KIAA0319L: variants seen among roughly 807,000 people sequenced by gnomAD.
KIAA0319L encodes dyslexia-associated protein KIAA0319-like protein.
A neutral mutation model predicts 120.1 loss-of-function variants in KIAA0319L; 55 were observed. That is an observed-to-expected ratio of 0.46 (90% confidence interval 0.37 to 0.57). The LOEUF (loss-of-function observed/expected upper bound fraction) is 0.57, where lower values mean the gene tolerates loss of function less well. KIAA0319L is among the 20% of genes least tolerant of loss of function. The probability of loss-of-function intolerance (pLI) is 0.00; values close to 1 mark genes in which losing one functional copy is unlikely to be tolerated. For missense variants in KIAA0319L, 1,049 were observed against 1,255.3 expected, an observed-to-expected ratio of 0.84 and a Z score of 2.48; for synonymous variants, 398 against 471.9, an observed-to-expected ratio of 0.84 and a Z score of 2.03.
In KIAA0319L at chr1:35,522,944, G is replaced by A. The variant is rs555991360; in HGVS notation, c.143-15809C>T. Among the ~76,000 whole-genome samples, 445 of 150,392 alleles carry A rather than the reference G, an allele frequency of 3.0e-3. 3 individuals are homozygous for A. Among genetic ancestry groups the A allele is most frequent in the African/African-American group, 1.0e-2 (406 of 40,802 alleles). On this transcript the variant is annotated intron_variant, in intron 2 of 20. Transcript: ENST00000325722. ...TGAGGCAGGAGAATCGCTTGAATCCGGGAGGCAGAGGTTGCAGTGAGCTGA... is the reference window on the plus strand; with the variant it reads ...TGAGGCAGGAGAATCGCTTGAATCCAGGAGGCAGAGGTTGCAGTGAGCTGA...
chr1:35,554,773 T>A (rs1647693169), intron 1 of KIAA0319L: 1 of 235,704 alleles, frequency 4.2e-6, no homozygotes, highest in South Asian at 1.4e-4. Context: ...TTTTTTTTAA[T>A]CTAACAGTAA....
chr1:35,501,192 A>C (rs150646267), intron 3 of KIAA0319L, among the ~76,000 whole-genome samples: 1 of 152,348 alleles, frequency 6.6e-6, no homozygotes, highest in Non-Finnish European at 1.5e-5. Flanking sequence ...CTCTATAGCC[A>C]ACACATCCTC....
At chr1:35,493,760 A>G (rs1644689687) in intron 3 of KIAA0319L, among the ~76,000 whole-genome samples, 1 of 152,036 alleles carries the variant, frequency 6.6e-6, no homozygotes. Flanking sequence ...CAGGAGGATC[A>G]CTTGAGCCCA....
chr1:35,540,255 ACATT>A (rs1479039413), intron 2 of KIAA0319L, among the ~76,000 whole-genome samples: 1 of 152,198 alleles, frequency 6.6e-6, no homozygotes, highest in East Asian at 1.9e-4. Flanking sequence ...CCATTCAGGG[ACATT>A]CATAATTCTT....
At chr1:35,465,607 G>C (rs1433345267) in intron 7 of KIAA0319L, among the ~76,000 whole-genome samples, 1 of 152,180 alleles carries the variant, frequency 6.6e-6, no homozygotes, top group Non-Finnish European at 1.5e-5. Flanking sequence ...AAGACTTTGG[G>C]GGACTGTTGG....
rs192552268 is a variant in KIAA0319L, at chr1:35,547,760, T to C, written c.142+6590A>G. ...GGAGAGGATAGGGAGTGACTGCTAA[T>C]GGGTACAGGGCTTCTTCTAGGGGTG... On this transcript the variant is annotated intron_variant, in intron 2 of 20. Transcript: ENST00000325722. Among the ~76,000 whole-genome samples the C allele has an allele frequency of 2.6e-5, 4 of 152,278 alleles. No homozygotes were observed. The East Asian group carries it at 7.7e-4, about 29-fold the overall frequency.
intron 1 of KIAA0319L, chr1:35,556,967 C>T (rs1052748001): frequency 1.4e-4 from 21 of 152,416 alleles, no homozygotes; most frequent in African/African-American, 5.1e-4. Context: ...GTCTGCCTGG[C>T]TCTCAGGGGA....
At chr1:35,521,005 T>C (rs1283200082) in intron 2 of KIAA0319L, among the ~76,000 whole-genome samples, 1 of 152,172 alleles carries the variant, frequency 6.6e-6, no homozygotes, top group Non-Finnish European at 1.5e-5. Context: ...TAGAAAATAA[T>C]TGGAAACAAC....
At chr1:35,466,862 C>T (rs752617093) in intron 6 of KIAA0319L, among the ~76,000 whole-genome samples, 167 bp from the exon 7 acceptor site, 4 of 152,072 alleles carry the variant, frequency 2.6e-5, no homozygotes, top group African/African-American at 7.2e-5. Context: ...TGGGAGGAGG[C>T]GGGTGGATCA....
chr1:35,474,060 T>C (rs1643801644), intron 5 of KIAA0319L, among the ~76,000 whole-genome samples: 1 of 152,236 alleles, frequency 6.6e-6, no homozygotes, highest in African/African-American at 2.4e-5. Flanking sequence ...TAAACTTGAA[T>C]TTTGTATATC....
chr1:35,490,880 A>G (rs1338816308), intron 3 of KIAA0319L, among the ~76,000 whole-genome samples: 1 of 152,160 alleles, frequency 6.6e-6, no homozygotes, highest in Non-Finnish European at 1.5e-5. Flanking sequence ...TGATGGTTTA[A>G]AAGTGTGTGG....
At chr1:35,442,412 G>T in intron 18 of KIAA0319L, 76 bp from the exon 19 acceptor site, 1 of 1,114,840 alleles carries the variant, frequency 9.0e-7, no homozygotes, top group Non-Finnish European at 1.4e-6. Flanking sequence ...CCCAGCTTGG[G>T]CAGGTGTGGC....
intron 2 of KIAA0319L, among the ~76,000 whole-genome samples, chr1:35,518,369 G>A (rs908173578): frequency 1.3e-5 from 2 of 152,142 alleles, no homozygotes; most frequent in African/African-American, 2.4e-5. Context: ...TATATACCAC[G>A]GAATACTATG....
intron 2 of KIAA0319L, among the ~76,000 whole-genome samples, chr1:35,526,906 G>A (rs1646170034): frequency 6.6e-6 from 1 of 152,060 alleles, no homozygotes; most frequent in Admixed American, 6.6e-5. Context: ...GCAAGATCCT[G>A]TCTCTGCAAA....
intron 7 of KIAA0319L, among the ~76,000 whole-genome samples, chr1:35,465,214 A>G (rs1229924279): frequency 6.6e-6 from 1 of 152,216 alleles, no homozygotes; most frequent in African/African-American, 2.4e-5. Flanking sequence ...AAAGCCGCAG[A>G]CACTCAACGC....
chr1:35,544,127 G>T (rs762838836), intron 2 of KIAA0319L, among the ~76,000 whole-genome samples: 1 of 152,098 alleles, frequency 6.6e-6, no homozygotes, highest in Non-Finnish European at 1.5e-5. Flanking sequence ...TAGCACTTTG[G>T]GGGGCCAAGG....
chr1:35,529,785 G>A (rs1646290377), intron 2 of KIAA0319L, among the ~76,000 whole-genome samples: 1 of 152,078 alleles, frequency 6.6e-6, no homozygotes, highest in Admixed American at 6.5e-5. Flanking sequence ...GTGCCAAGGA[G>A]ATCTTTGTGG....
chr1:35,451,795 G>A lies in KIAA0319L; in HGVS notation c.1914-19C>T, dbSNP rs752259795. ...AGGTCCCCTGCAAAAAAAGAAACTA[G>A]AGGGTAGAGTTGTACCTGTCTGCTG... On this transcript the variant is annotated intron_variant, in intron 12 of 20. Coordinates refer to ENST00000325722, the MANE Select transcript of KIAA0319L (RefSeq NM_024874.5). 3 of 1,613,738 alleles carry A rather than the reference G, an allele frequency of 1.9e-6. No homozygotes were observed. The highest frequency in any genetic ancestry group is 2.2e-5 in the South Asian group (2 of 91,040).
rs1331050409 is a variant in KIAA0319L at position 35,480,503 on chromosome 1, C to T, written c.667-1291G>A. ...GGATTTTTTAAAAATCAAATTCGGC[C>T]GGGTGTGGTGTCTCACACCTGTAAT... is the stretch of plus-strand genomic sequence containing the variant. On this transcript the variant is annotated intron_variant, in intron 3 of 20. Transcript: ENST00000325722. 5.3e-5 allele frequency among the ~76,000 whole-genome samples: 8 copies of T among 152,168 alleles called. No individual in the cohort carries two copies. In the East Asian group the frequency reaches 9.6e-4, roughly 18 times the overall value.
Sources: gnomAD v4.1 joint callset for allele counts (sites outside exome capture counted in the v4.1 genomes callset) on GRCh38, gnomAD v4.1.1 for gene constraint, MANE v1.5 for transcripts, NCBI Gene and HGNC (gene_info 2026-07-23, HGNC 2026-07-21) for gene names.